The following ADD2 variants were observed in gnomAD, a reference collection of about 807,000 sequenced individuals.
ADD2 encodes beta-adducin.
A neutral mutation model predicts 83.0 loss-of-function variants in ADD2; 23 were observed. The ratio of observed to expected loss-of-function variants is 0.28; its 90% CI spans 0.20 to 0.39. ADD2 has a LOEUF of 0.39. ADD2 is among the 10% of genes least tolerant of loss of function. ADD2 has a pLI of 1.00. For synonymous variants in ADD2, 375 were observed against 375.4 expected (o/e 1.00, Z 0.01); for missense variants, 758 against 944.9 (o/e 0.80, Z 2.59).
intron 10 of ADD2, among the ~76,000 whole-genome samples, chr2:70,679,193 T>C (rs1222944335): frequency 6.6e-6 from 1 of 152,196 alleles, no homozygotes; most frequent in Non-Finnish European, 1.5e-5. Context: ...TGATCAGGGC[T>C]GAGAAAATCC....
intron 4 of ADD2, 58 bp downstream of exon 4, chr2:70,704,263 T>TGCCCCCCCCCACCCC: frequency 1.1e-6 from 1 of 913,238 alleles, no homozygotes; most frequent in Non-Finnish European, 1.7e-6. Flanking sequence ...CTCCCTCTCT[T>TGCCCCCCCCCACCCC]CCCCACCCCA....
chr2:70,679,755 T>TA (rs1670365747), intron 10 of ADD2, among the ~76,000 whole-genome samples: 1 of 152,322 alleles, frequency 6.6e-6, no homozygotes, highest in East Asian at 1.9e-4. Flanking sequence ...AGACAATCAC[T>TA]AAAAACCTTT....
intron 1 of ADD2, among the ~76,000 whole-genome samples, chr2:70,743,413 C>G (rs1674023865): frequency 1.3e-5 from 2 of 152,204 alleles, no homozygotes; most frequent in Non-Finnish European, 2.9e-5. Flanking sequence ...AGGAAAAGTT[C>G]AGCATTTCAC....
rs1455630013 is a variant in ADD2 at position 70,676,676 on chromosome 2, C to A, written c.1593+120G>T. 6 of 1,515,678 alleles carry A rather than the reference C, an allele frequency of 4.0e-6. No homozygotes were observed. The highest frequency in any genetic ancestry group is 5.3e-6 in the Non-Finnish European group (6 of 1,124,598). 93.9% of individuals were successfully genotyped at this position (1,515,678 alleles called of 1,614,324 possible). ...CCATTTTGCAGCAAGAGCACCGGCA[C>A]CCAAGATCACAGGGGAAGGTGGGTA... On this transcript the variant is annotated intron_variant, in intron 13 of 15. Coordinates refer to ENST00000264436, the MANE Select transcript of ADD2 (RefSeq NM_001617.4). The surrounding 1 kb of genome is among the most constrained non-coding windows in gnomAD (Gnocchi z 4.8).
chr2:70,733,130 A>C (rs1673365523), intron 1 of ADD2, among the ~76,000 whole-genome samples: 1 of 152,204 alleles, frequency 6.6e-6, no homozygotes, highest in Non-Finnish European at 1.5e-5. Flanking sequence ...TTATAAGCCC[A>C]GGGTCCAAGG....
At chr2:70,762,757 G>A (rs1254341180) in intron 1 of ADD2, among the ~76,000 whole-genome samples, 25 of 150,190 alleles carry the variant, frequency 1.7e-4, no homozygotes, top group Admixed American at 6.6e-5. Flanking sequence ...CCAGGCTGGA[G>A]TGCAATGGTG....
Position 70,677,190 on chromosome 2 carries a change from T to C in ADD2, c.1504-305A>G, listed in dbSNP as rs547570858. ...AGGAATTTGTTTTAAATACAGATTC[T>C]AGGCACCCCCCACCATTGAATCTGA... is the stretch of plus-strand genomic sequence containing the variant. On this transcript the variant is annotated intron_variant, in intron 12 of 15. Transcript: ENST00000264436. 2.2e-3 allele frequency among the ~76,000 whole-genome samples: 336 copies of C among 152,162 alleles called. 2 individuals are homozygous for C. Among genetic ancestry groups the C allele is most frequent in the African/African-American group, 7.8e-3 (322 of 41,514 alleles).
At chr2:70,758,144 C>A (rs1449750592) in intron 1 of ADD2, among the ~76,000 whole-genome samples, 2 of 152,162 alleles carry the variant, frequency 1.3e-5, no homozygotes, top group African/African-American at 4.8e-5. Flanking sequence ...GGGAACATGA[C>A]ATTCTGTTTC....
chr2:70,674,935 C>T (rs879994020), intron 13 of ADD2, 110 bp from the exon 14 acceptor site: 69 of 1,459,334 alleles, frequency 4.7e-5, no homozygotes, highest in Admixed American at 2.6e-4. Context: ...CTAGGGACAG[C>T]GTGGCATGCA....
chr2:70,756,555 C>T (rs1674802919), intron 1 of ADD2, among the ~76,000 whole-genome samples: 1 of 152,118 alleles, frequency 6.6e-6, no homozygotes, highest in African/African-American at 2.4e-5. Flanking sequence ...ACCTTATAGA[C>T]AAATCATAGA....
chr2:70,675,827 G>A, intron 13 of ADD2: 1 of 985,344 alleles, frequency 1.0e-6, no homozygotes, highest in Non-Finnish European at 1.2e-6. Flanking sequence ...AAGAGCACTT[G>A]GTATAAATGG....
chr2:70,709,565 C>T (rs1672072601), intron 2 of ADD2, among the ~76,000 whole-genome samples: 1 of 152,198 alleles, frequency 6.6e-6, no homozygotes, highest in Non-Finnish European at 1.5e-5. Context: ...GTCATTGCCT[C>T]TCTCTGGGTC....
At chr2:70,688,834 C>T (rs994753939) in intron 8 of ADD2, among the ~76,000 whole-genome samples, 24 of 152,264 alleles carry the variant, frequency 1.6e-4, no homozygotes, top group Admixed American at 7.2e-4. Context: ...TGGTGGGTCA[C>T]GCCTGTAATC....
At chr2:70,747,746 A>G (rs1013816714) in intron 1 of ADD2, among the ~76,000 whole-genome samples, 1 of 152,194 alleles carries the variant, frequency 6.6e-6, no homozygotes, top group Non-Finnish European at 1.5e-5. Context: ...GTTCAGCGAC[A>G]GTATCTCTTT....
intron 4 of ADD2, among the ~76,000 whole-genome samples, chr2:70,697,686 T>C (rs1237319244): frequency 1.3e-5 from 2 of 152,196 alleles, no homozygotes; most frequent in African/African-American, 4.8e-5. Context: ...ATGTATATCC[T>C]GCATCGAGTG....
At position 70,662,088 on chromosome 2, in the gene ADD2, TAGTC is replaced by T. The variant is rs1411086032; in HGVS notation, c.*1333_*1336del. The T allele has an allele frequency of 1.3e-5, 2 of 152,348 alleles. No individual in the cohort carries two copies. The highest frequency in any genetic ancestry group is 2.4e-5 in the African/African-American group (1 of 41,588). 9.4% of individuals were successfully genotyped at this position (152,348 alleles called of 1,614,324 possible). The stretch of plus-strand genomic sequence containing the variant: ...AGAACTTTCAAAAATATTTTCACGA[TAGTC>T]AGATCAAAAGGAAAAATATTCTTTC... On this transcript the variant is annotated 3_prime_UTR_variant, in exon 16 of 16. Transcript: ENST00000264436.
At position 70,667,776 on chromosome 2, in the gene ADD2, G is replaced by A. The variant is rs574219059; in HGVS notation, c.1871-4041C>T. 4.6e-5 allele frequency among the ~76,000 whole-genome samples: 7 copies of A among 152,144 alleles called. No individual in the cohort carries two copies. In the South Asian group the frequency reaches 1.2e-3, roughly 27 times the overall value. ...TGGGATTACAGGCGCATGTCACCAC[G>A]CCCAGCAAATTTTTGTATTTTTAGT... On this transcript the variant is annotated intron_variant, in intron 15 of 15. Coordinates refer to ENST00000264436, the MANE Select transcript of ADD2 (RefSeq NM_001617.4).
intron 1 of ADD2, among the ~76,000 whole-genome samples, chr2:70,718,760 G>A (rs2104430327): frequency 6.6e-6 from 1 of 152,326 alleles, no homozygotes; most frequent in South Asian, 2.1e-4. Flanking sequence ...CAGAGCTGGT[G>A]AAAGGCAGAA....
At chr2:70,714,438 A>C (rs1219467149) in intron 1 of ADD2, among the ~76,000 whole-genome samples, 1 of 152,198 alleles carries the variant, frequency 6.6e-6, no homozygotes, top group Non-Finnish European at 1.5e-5. Context: ...TGCCTGTGGG[A>C]ATCCAGGATA....
Sources: gnomAD v4.1 joint callset for allele counts (sites outside exome capture counted in the v4.1 genomes callset) on GRCh38, gnomAD v4.1.1 for gene constraint, Gnocchi (gnomAD v3.1) non-coding constraint, MANE v1.5 for transcripts, NCBI Gene and HGNC (gene_info 2026-07-23, HGNC 2026-07-21) for gene names.